Variants in TMEM178A observed in about 807,000 individuals in gnomAD.
TMEM178A encodes transmembrane protein 178A.
In TMEM178A, 12 loss-of-function variants were observed where a neutral mutation model predicts 29.1. That is an observed-to-expected ratio of 0.41 (90% CI 0.26 to 0.67). The LOEUF (loss-of-function observed/expected upper bound fraction) is 0.67. Ranked by LOEUF, TMEM178A falls within the 30% of genes least tolerant of loss-of-function variation. The pLI is 0.29. For synonymous variants in TMEM178A, 210 were observed against 187.2 expected (o/e 1.12, Z -0.99); for missense variants, 366 against 419.1 (o/e 0.87, Z 1.11).
chr2:39,683,463 C>A (rs1247819970), intron 1 of TMEM178A, among the ~76,000 whole-genome samples: 1 of 152,108 alleles, frequency 6.6e-6, no homozygotes, highest in Non-Finnish European at 1.5e-5. Flanking sequence ...AGTAACATGC[C>A]CTGCAATCGG....
chr2:39,726,184 T>C, the TMEM178A span, among the ~76,000 whole-genome samples: 1 of 151,948 alleles, frequency 6.6e-6, no homozygotes, highest in African/African-American at 2.4e-5. Flanking sequence ...TAGGTGGTGG[T>C]GATATGTGCT....
chr2:39,698,331 T>C (rs1671640704), intron 1 of TMEM178A, among the ~76,000 whole-genome samples: 1 of 152,254 alleles, frequency 6.6e-6, no homozygotes, highest in South Asian at 2.1e-4. Flanking sequence ...GTGTAGTTAA[T>C]AATACCTTTA....
chr2:39,685,772 G>T (rs1398794523), intron 1 of TMEM178A, among the ~76,000 whole-genome samples: 1 of 152,198 alleles, frequency 6.6e-6, no homozygotes, highest in Non-Finnish European at 1.5e-5. Flanking sequence ...TCTGCTGCAG[G>T]TAGAAAGCTA....
chr2:39,697,316 T>C (rs1671586452), intron 1 of TMEM178A, among the ~76,000 whole-genome samples: 1 of 152,210 alleles, frequency 6.6e-6, no homozygotes. Context: ...TTAATAATAT[T>C]GCTTTCCTCT....
the TMEM178A span, among the ~76,000 whole-genome samples, chr2:39,725,981 T>C: frequency 3.9e-5 from 6 of 152,196 alleles, no homozygotes; most frequent in Non-Finnish European, 7.4e-5. Flanking sequence ...GAGCACCTAG[T>C]ATGTGCCAGA....
At chr2:39,699,307 A>C (rs1671682802) in intron 1 of TMEM178A, among the ~76,000 whole-genome samples, 1 of 152,012 alleles carries the variant, frequency 6.6e-6, no homozygotes, top group African/African-American at 2.4e-5. Flanking sequence ...GATTATGGGC[A>C]TAACCAAATT....
At chr2:39,683,243 G>A (rs1371292372) in intron 1 of TMEM178A, among the ~76,000 whole-genome samples, 1 of 152,172 alleles carries the variant, frequency 6.6e-6, no homozygotes, top group Admixed American at 6.5e-5. Context: ...ATTTTGGGAA[G>A]CCTCCTACCT....
intron 3 of TMEM178A, among the ~76,000 whole-genome samples, chr2:39,716,237 T>C (rs1274801280): frequency 6.6e-6 from 1 of 152,256 alleles, no homozygotes; most frequent in Non-Finnish European, 1.5e-5. Flanking sequence ...TATATCCACA[T>C]GAATTGAGTA....
rs751918952 is a variant in TMEM178A at position 39,665,998 on chromosome 2, G to A, written c.24G>A (p.Thr8=). Residue 8 remains threonine, a synonymous_variant, in exon 1 of 4, where the codon ACG becomes ACA. Coordinates refer to ENST00000281961, the MANE Select transcript of TMEM178A (RefSeq NM_152390.3). The stretch of plus-strand genomic sequence containing the variant: ...CCATGGAGCCGCGGGCGCTCGTCAC[G>A]GCGCTCAGCCTCGGCCTCAGCCTGT... MEPRALV[T]ALSLGLSLCS... is the part of the protein sequence containing the mutation. 2.1e-6 allele frequency: 3 copies of A among 1,443,812 alleles called. No individual in the cohort carries two copies. The African/African-American group carries it at 4.4e-5, about 21-fold the overall frequency. 89.4% of individuals were successfully genotyped at this position (1,443,812 alleles called of 1,614,324 possible).
At chr2:39,727,444 A>G in the TMEM178A span, among the ~76,000 whole-genome samples, 23 of 152,252 alleles carry the variant, frequency 1.5e-4, no homozygotes, top group African/African-American at 5.5e-4. Context: ...AAGACTTTGC[A>G]TCTCACCTAA....
In TMEM178A at chr2:39,715,485, C is replaced by T. The variant is rs973250307; in HGVS notation, c.653-1525C>T. ...GTGGAGTATTCTTTTTTGAATGGCCCATTACTTTATGAGAGAATTATTTCC... is the reference window on the plus strand; with the variant it reads ...GTGGAGTATTCTTTTTTGAATGGCCTATTACTTTATGAGAGAATTATTTCC... On this transcript the variant is annotated intron_variant, in intron 3 of 3. Transcript: ENST00000281961. Among the ~76,000 whole-genome samples the T allele has an allele frequency of 3.0e-4, 45 of 151,890 alleles. 1 individual carries two copies. The highest frequency in any genetic ancestry group is 1.0e-3 in the African/African-American group (42 of 41,354).
At chr2:39,691,776 G>T (rs1343005119) in intron 1 of TMEM178A, among the ~76,000 whole-genome samples, 1 of 150,900 alleles carries the variant, frequency 6.6e-6, no homozygotes, top group Non-Finnish European at 1.5e-5. Context: ...AATAGATAAA[G>T]GAAAATTTTT....
intron 1 of TMEM178A, among the ~76,000 whole-genome samples, chr2:39,698,923 A>T (rs554505589): frequency 1.3e-5 from 2 of 151,018 alleles, no homozygotes; most frequent in East Asian, 3.9e-4. Flanking sequence ...ATGCCATTTT[A>T]TCTGTTTTAT....
chr2:39,720,962 A>G (rs922339670), downstream of TMEM178A, among the ~76,000 whole-genome samples: 1 of 152,238 alleles, frequency 6.6e-6, no homozygotes, highest in Non-Finnish European at 1.5e-5. Context: ...TGATGGCTCA[A>G]ACATTAAGTT....
chr2:39,728,010 C>T, the TMEM178A span, among the ~76,000 whole-genome samples: 1 of 152,244 alleles, frequency 6.6e-6, no homozygotes, highest in East Asian at 1.9e-4. Context: ...GTGAATAATG[C>T]CACAATAAAC....
chr2:39,705,386 G>C (rs543281602), intron 2 of TMEM178A, among the ~76,000 whole-genome samples: 1 of 152,290 alleles, frequency 6.6e-6, no homozygotes, highest in South Asian at 2.1e-4. Flanking sequence ...CCTTTTCAGA[G>C]TCACAGAAAA....
chr2:39,705,872 C>T (rs1304857819), intron 2 of TMEM178A, among the ~76,000 whole-genome samples: 1 of 152,162 alleles, frequency 6.6e-6, no homozygotes, highest in Non-Finnish European at 1.5e-5. Flanking sequence ...GATCCACGTG[C>T]ATTTGCCCAG....
the TMEM178A span, among the ~76,000 whole-genome samples, chr2:39,732,313 C>T: frequency 6.6e-6 from 1 of 152,134 alleles, no homozygotes; most frequent in African/African-American, 2.4e-5. Flanking sequence ...CTGGAGACTC[C>T]TCATGAGACC....
At chr2:39,666,714 C>G (rs938260352) in intron 1 of TMEM178A, among the ~76,000 whole-genome samples, 1 of 152,216 alleles carries the variant, frequency 6.6e-6, no homozygotes, top group African/African-American at 2.4e-5. Flanking sequence ...GTACACCTGC[C>G]TGACATGTGT....
Sources: allele counts gnomAD v4.1 joint callset (sites outside exome capture counted in the v4.1 genomes callset), GRCh38; gene constraint gnomAD v4.1.1; transcripts MANE v1.5; gene names NCBI Gene and HGNC (gene_info 2026-07-23, HGNC 2026-07-21).